AOPEP: variants seen among roughly 807,000 people sequenced by gnomAD.
AOPEP encodes the protein aminopeptidase O (putative).
AOPEP carries 77 observed loss-of-function variants against 98.1 expected under a neutral mutation model. The observed-to-expected ratio is 0.78, with a 90% CI of 0.65 to 0.95. The LOEUF (loss-of-function observed/expected upper bound fraction) is 0.95, where lower values mean the gene tolerates loss of function less well. Among genes scored for constraint, AOPEP ranks in the 40% least tolerant of loss-of-function variants. AOPEP has a pLI of 0.00. For missense variants in AOPEP, 1,024 were observed against 1,024.7 expected, an observed-to-expected ratio of 1.00 and a Z score of 0.01; for synonymous variants, 346 against 365.3, an observed-to-expected ratio of 0.95 and a Z score of 0.60.
intron 15 of AOPEP, 138 bp from the exon 16 acceptor site, chr9:95,082,437 G>A (rs190482002): frequency 6.7e-6 from 6 of 892,646 alleles, no homozygotes; most frequent in African/African-American, 3.4e-5. Context: ...GTCAGCCCAC[G>A]GCCTCTGTCT....
intron 7 of AOPEP, chr9:94,933,734 A>G (rs2055773801): frequency 1.1e-6 from 1 of 887,954 alleles, no homozygotes; most frequent in Admixed American, 6.2e-5. Flanking sequence ...GCCTTTTTTT[A>G]TTTTTATTTA....
intron 11 of AOPEP, among the ~76,000 whole-genome samples, chr9:94,992,077 C>T (rs1215267574): frequency 6.6e-6 from 1 of 152,228 alleles, no homozygotes; most frequent in Non-Finnish European, 1.5e-5. Context: ...AGCACACTTC[C>T]AACCAGAGTC....
chr9:94,988,309 G>C (rs2060648984), intron 11 of AOPEP, among the ~76,000 whole-genome samples: 1 of 152,192 alleles, frequency 6.6e-6, no homozygotes, highest in South Asian at 2.1e-4. Flanking sequence ...AGGACGTTGG[G>C]AAGTCGGCAG....
chr9:94,850,330 A>G (rs2043396546), intron 5 of AOPEP, among the ~76,000 whole-genome samples: 1 of 152,236 alleles, frequency 6.6e-6, no homozygotes, highest in South Asian at 2.1e-4. Flanking sequence ...CTCAGTGCTA[A>G]TCAGAGAAAA....
rs147314514 is a variant in AOPEP, at chr9:94,784,031, A to T, written c.965-8734A>T. 5.1e-4 allele frequency among the ~76,000 whole-genome samples: 78 copies of T among 152,332 alleles called. 4 individuals carry two copies. In the East Asian group the frequency reaches 0.013, roughly 25 times the overall value. On this transcript the variant is annotated intron_variant, in intron 3 of 16. Coordinates refer to ENST00000375315, the MANE Select transcript of AOPEP (RefSeq NM_001193329.3). Reference sequence around the variant, plus strand: ...GCTGTTTGTCTAACCTATAGTGGAGAGGTTGAAAAAGTAAAATGGATGGTT... The same window carrying T: ...GCTGTTTGTCTAACCTATAGTGGAGTGGTTGAAAAAGTAAAATGGATGGTT...
At chr9:95,095,690 C>T in the AOPEP span, among the ~76,000 whole-genome samples, 51 of 152,130 alleles carry the variant, frequency 3.4e-4, no homozygotes, top group Non-Finnish European at 6.3e-4. Flanking sequence ...GGGGTCCCCA[C>T]GGCCTGGCCT....
intron 5 of AOPEP, among the ~76,000 whole-genome samples, chr9:94,908,176 G>A (rs1287797584): frequency 6.6e-6 from 1 of 152,094 alleles, no homozygotes; most frequent in Non-Finnish European, 1.5e-5. Flanking sequence ...GTTCCCATCC[G>A]CTGCCACCTC....
chr9:95,146,131 T>C, the AOPEP span, among the ~76,000 whole-genome samples: 1,591 of 152,214 alleles, frequency 0.01, 29 homozygotes, highest in African/African-American at 0.037. Flanking sequence ...TTAAAATGCA[T>C]TGTATAGCAA....
chr9:94,958,305 A>AT (rs1400745752), intron 9 of AOPEP, among the ~76,000 whole-genome samples: 5 of 152,016 alleles, frequency 3.3e-5, no homozygotes, highest in African/African-American at 1.2e-4. Flanking sequence ...GAACATTTGC[A>AT]TTTTTTTCAT....
chr9:94,891,146 A>G (rs2048833170), intron 5 of AOPEP, among the ~76,000 whole-genome samples: 1 of 152,218 alleles, frequency 6.6e-6, no homozygotes, highest in Admixed American at 6.5e-5. Context: ...CATTTAGGAT[A>G]GCTATAGCTT....
At chr9:94,991,243 C>T (rs72750367) in intron 11 of AOPEP, among the ~76,000 whole-genome samples, 5,142 of 152,264 alleles carry the variant, frequency 0.034, 127 homozygotes, top group Admixed American at 0.058. Context: ...TTTTTTCCTT[C>T]TCTTTTGTGG....
At chr9:94,762,264 G>A (rs889604927) in intron 2 of AOPEP, among the ~76,000 whole-genome samples, 6 of 151,824 alleles carry the variant, frequency 4.0e-5, no homozygotes, top group African/African-American at 7.3e-5. Flanking sequence ...TGGCTAACAC[G>A]GTGAAACCCT....
chr9:95,050,618 C>T (rs965389722), intron 13 of AOPEP, among the ~76,000 whole-genome samples: 4 of 152,210 alleles, frequency 2.6e-5, no homozygotes, highest in Non-Finnish European at 4.4e-5. Context: ...GTTGGACTCA[C>T]CTCACCACCT....
the AOPEP span, among the ~76,000 whole-genome samples, chr9:95,136,200 G>C: frequency 7.5e-3 from 1,142 of 152,082 alleles, 7 homozygotes; most frequent in Non-Finnish European, 0.013. Context: ...AGACCAGCCT[G>C]GTCAAATAGT....
chr9:94,892,447 C>G (rs2048984677), intron 5 of AOPEP, among the ~76,000 whole-genome samples: 1 of 152,174 alleles, frequency 6.6e-6, no homozygotes, highest in African/African-American at 2.4e-5. Flanking sequence ...TCAAAACACC[C>G]AGAAGTTGGC....
At chr9:94,951,924 A>G (rs1446779799) in intron 7 of AOPEP, among the ~76,000 whole-genome samples, 4 of 152,200 alleles carry the variant, frequency 2.6e-5, no homozygotes, top group African/African-American at 9.6e-5. Context: ...CCCACCCAGC[A>G]TGGAATCACA....
At chr9:94,872,280 G>T (rs774221390) in intron 5 of AOPEP, among the ~76,000 whole-genome samples, 10 of 152,036 alleles carry the variant, frequency 6.6e-5, no homozygotes, top group Admixed American at 1.3e-4. Context: ...CTTCAGTCGT[G>T]TTTTTCTTTT....
At chr9:94,762,966 T>G (rs942457358) in intron 2 of AOPEP, among the ~76,000 whole-genome samples, 5 of 152,310 alleles carry the variant, frequency 3.3e-5, no homozygotes, top group African/African-American at 1.2e-4. Context: ...GTGAAAAACA[T>G]AACTAGCTAG....
intron 1 of AOPEP, among the ~76,000 whole-genome samples, chr9:94,732,995 A>AAT (rs947034464): frequency 6.6e-6 from 1 of 151,520 alleles, no homozygotes; most frequent in Non-Finnish European, 1.5e-5. Context: ...TTTATAACAA[A>AAT]TTTTTTTTTG....
Sources: allele counts gnomAD v4.1 joint callset (sites outside exome capture counted in the v4.1 genomes callset), GRCh38; gene constraint gnomAD v4.1.1; transcripts MANE v1.5; gene names NCBI Gene and HGNC (gene_info 2026-07-23, HGNC 2026-07-21).